The following TRPM8 variants were observed in gnomAD, a reference collection of about 807,000 sequenced individuals.
TRPM8 encodes transient receptor potential cation channel subfamily M member 8, also known as TRPM8 cationic channel.
In TRPM8, 110 loss-of-function variants were observed where a neutral mutation model predicts 133.7. The observed-to-expected ratio is 0.82, with a 90% CI of 0.70 to 0.96. The LOEUF (loss-of-function observed/expected upper bound fraction) is 0.96. TRPM8 is among the 40% of genes least tolerant of loss of function. The pLI, the probability that TRPM8 is intolerant of heterozygous loss-of-function variation, is 0.00. For synonymous variants in TRPM8, 535 were observed against 532.3 expected, an observed-to-expected ratio of 1.01 and a Z score of -0.07; for missense variants, 1,291 against 1,379.5, an observed-to-expected ratio of 0.94 and a Z score of 1.02.
intron 11 of TRPM8, among the ~76,000 whole-genome samples, chr2:233,956,277 C>G (rs1457960076): frequency 5.3e-5 from 8 of 152,150 alleles, no homozygotes; most frequent in Non-Finnish European, 1.2e-4. Context: ...AGGACTTCCC[C>G]TAGCCACATG....
At chr2:233,960,695 A>T in intron 11 of TRPM8, 81 bp from the exon 12 acceptor site, 1 of 1,082,040 alleles carries the variant, frequency 9.2e-7, no homozygotes, top group Non-Finnish European at 1.4e-6. Flanking sequence ...ATACAGTGCT[A>T]CTGAGGAAGA....
At chr2:233,931,318 C>T (rs548425235) in intron 3 of TRPM8, among the ~76,000 whole-genome samples, 2 of 152,310 alleles carry the variant, frequency 1.3e-5, no homozygotes, top group Admixed American at 6.5e-5. Flanking sequence ...GTAGAAGATG[C>T]ATTTGAATCT....
chr2:234,002,463 A>G (rs1692593631), intron 22 of TRPM8, among the ~76,000 whole-genome samples: 3 of 152,198 alleles, frequency 2.0e-5, no homozygotes, highest in Non-Finnish European at 4.4e-5. Flanking sequence ...CATGAAACAT[A>G]CATCATGACA....
At chr2:234,005,368 G>A (rs1692667027) in intron 22 of TRPM8, among the ~76,000 whole-genome samples, 1 of 152,144 alleles carries the variant, frequency 6.6e-6, no homozygotes, top group African/African-American at 2.4e-5. Flanking sequence ...TACAGAGGTT[G>A]GTCATTTTTT....
At chr2:233,947,684 T>C in intron 8 of TRPM8, 1 of 1,097,490 alleles carries the variant, frequency 9.1e-7, no homozygotes, top group Non-Finnish European at 1.2e-6. Context: ...AGCAAGAATT[T>C]GACTTCCCAG....
At position 233,981,807 on chromosome 2, in the gene TRPM8, TG is replaced by T; in HGVS notation, c.2483del (p.Gly828AspfsTer14). Reference protein sequence around the residue: ...HSSNKSSLYSGRVIFCLDYII... With the variant: ...HSSNKSSLYSXRVIFCLDYII... Reference sequence around the variant, plus strand: ...CTTCTAATAAAAGCTCTTTGTATTCTGGACGAGTCATTTTCTGTCTGGACTA... The same window carrying T: ...CTTCTAATAAAAGCTCTTTGTATTCTGACGAGTCATTTTCTGTCTGGACTA... On this transcript the variant is annotated frameshift_variant, in exon 19 of 26. Transcript: ENST00000324695. LOFTEE classifies it high-confidence loss of function. 6.2e-7 allele frequency: 1 copy of T among 1,613,596 alleles called. No individual in the cohort carries two copies. The highest frequency in any genetic ancestry group is 2.2e-5 in the East Asian group (1 of 44,866).
At chr2:234,017,193 CTATTCCCAGTA>C (rs772568869) in intron 25 of TRPM8, 95 bp from the exon 26 acceptor site, 6 of 388,952 alleles carry the variant, frequency 1.5e-5, no homozygotes, top group Non-Finnish European at 3.1e-5. Flanking sequence ...ATATTTGGAT[CTATTCCCAGTA>C]TATTCCCAGT....
chr2:234,004,430 G>A (rs781724675), intron 22 of TRPM8, among the ~76,000 whole-genome samples: 1 of 152,198 alleles, frequency 6.6e-6, no homozygotes, highest in Non-Finnish European at 1.5e-5. Flanking sequence ...AGCACTTGGC[G>A]GCTGCCAGGG....
intron 5 of TRPM8, among the ~76,000 whole-genome samples, chr2:233,939,932 A>G (rs1690863196): frequency 6.6e-6 from 1 of 152,176 alleles, no homozygotes; most frequent in African/African-American, 2.4e-5. Context: ...AACAGTTACC[A>G]TGGACCAGTA....
At chr2:234,001,620 T>C (rs1692565432) in intron 22 of TRPM8, among the ~76,000 whole-genome samples, 2 of 152,152 alleles carry the variant, frequency 1.3e-5, no homozygotes, top group South Asian at 4.1e-4. Flanking sequence ...AAATTGTGCA[T>C]AGGCAAGAAA....
intron 16 of TRPM8, 161 bp downstream of exon 16, chr2:233,969,968 G>C (rs1055422545): frequency 1.0e-5 from 7 of 681,284 alleles, no homozygotes; most frequent in African/African-American, 1.8e-5. Context: ...GACTTTTCCT[G>C]GGTTTCCTCT....
intron 2 of TRPM8, among the ~76,000 whole-genome samples, chr2:233,927,911 TC>T (rs1368948524): frequency 0.019 from 778 of 40,116 alleles, 120 homozygotes; most frequent in African/African-American, 0.15. Context: ...TCTTTCTTTC[TC>T]TCTCTCTCTC....
intron 17 of TRPM8, among the ~76,000 whole-genome samples, chr2:233,974,500 G>A (rs895081200): frequency 5.9e-5 from 9 of 152,158 alleles, no homozygotes; most frequent in African/African-American, 1.2e-4. Context: ...CCAAAGTGCC[G>A]GGATTATAGG....
At chr2:233,939,319 A>G (rs969792900) in intron 5 of TRPM8, 144 bp downstream of exon 5, 4 of 887,620 alleles carry the variant, frequency 4.5e-6, no homozygotes, top group Admixed American at 5.5e-5. Context: ...ATTGAAAGCC[A>G]TATCCTCAAA....
chr2:233,919,272 A>G (rs774295568), intron 1 of TRPM8, among the ~76,000 whole-genome samples: 1 of 152,188 alleles, frequency 6.6e-6, no homozygotes, highest in Non-Finnish European at 1.5e-5. Flanking sequence ...ACTATTTAAA[A>G]TTATTCATGA....
intron 9 of TRPM8, among the ~76,000 whole-genome samples, chr2:233,952,754 A>T (rs1314724922): frequency 2.0e-5 from 3 of 151,856 alleles, no homozygotes; most frequent in Non-Finnish European, 4.4e-5. Context: ...TGCAGGATGG[A>T]GTCCCAGCTA....
intron 22 of TRPM8, among the ~76,000 whole-genome samples, chr2:234,005,781 T>A (rs182290913): frequency 4.6e-5 from 7 of 151,960 alleles, no homozygotes; most frequent in African/African-American, 1.7e-4. Context: ...TTTGGTGGTA[T>A]GCGCTTGTAG....
chr2:233,918,423 T>C (rs939778313), intron 1 of TRPM8, among the ~76,000 whole-genome samples: 3 of 151,986 alleles, frequency 2.0e-5, no homozygotes, highest in Non-Finnish European at 4.4e-5. Context: ...GCCTAAGAAC[T>C]GATATCATTC....
intron 20 of TRPM8, among the ~76,000 whole-genome samples, chr2:233,984,607 C>T (rs765286440): frequency 1.1e-4 from 16 of 152,084 alleles, no homozygotes; most frequent in Non-Finnish European, 2.1e-4. Context: ...TCACCACTGC[C>T]GCCCCGTGAG....
Sources: gnomAD v4.1 joint callset for allele counts (sites outside exome capture counted in the v4.1 genomes callset) on GRCh38, gnomAD v4.1.1 for gene constraint, MANE v1.5 for transcripts, NCBI Gene and HGNC (gene_info 2026-07-23, HGNC 2026-07-21) for gene names.